KIF26B: variants seen among roughly 807,000 people sequenced by gnomAD.
KIF26B encodes kinesin-like protein KIF26B.
KIF26B carries 63 observed loss-of-function variants against 151.2 expected under a neutral mutation model. The ratio of observed to expected loss-of-function variants is 0.42; its 90% CI spans 0.34 to 0.51. The LOEUF is 0.51. KIF26B is among the 20% of genes least tolerant of loss of function. The pLI is 0.07. For synonymous variants in KIF26B, 1,357 were observed against 1,262.1 expected (o/e 1.08, Z -1.59); for missense variants, 2,813 against 2,913.6 (o/e 0.97, Z 0.79).
intron 4 of KIF26B, among the ~76,000 whole-genome samples, chr1:245,532,248 CTT>C (rs74163062): frequency 4.9e-5 from 6 of 121,448 alleles, no homozygotes; most frequent in Non-Finnish European, 4.9e-5. Context: ...CTTTTCTTTT[CTT>C]TTTTTTTTTT....
chr1:245,612,097 TG>T (rs2043532274), intron 9 of KIF26B, 121 bp downstream of exon 9: 1 of 648,350 alleles, frequency 1.5e-6, no homozygotes, highest in Non-Finnish European at 2.4e-6. Context: ...TGTGTGTGTG[TG>T]TGTGTGTGAG....
intron 9 of KIF26B, among the ~76,000 whole-genome samples, chr1:245,631,098 A>G (rs1156624721): frequency 6.6e-6 from 1 of 152,088 alleles, no homozygotes; most frequent in Non-Finnish European, 1.5e-5. Context: ...TCGCTTTTCC[A>G]GTTTGGATGC....
intron 4 of KIF26B, among the ~76,000 whole-genome samples, chr1:245,426,356 C>T (rs940631804): frequency 2.0e-5 from 3 of 151,716 alleles, no homozygotes; most frequent in Admixed American, 1.3e-4. Context: ...CATACAGCGT[C>T]ACTCTCATTC....
At chr1:245,353,487 A>T (rs1482807184) in intron 2 of KIF26B, among the ~76,000 whole-genome samples, 2 of 152,170 alleles carry the variant, frequency 1.3e-5, no homozygotes, top group East Asian at 3.9e-4. Context: ...GGATCGTGGC[A>T]CATCCTTGTG....
chr1:245,371,395 C>G lies in KIF26B; in HGVS notation c.999+4028C>G, dbSNP rs905834494. The stretch of plus-strand genomic sequence containing the variant: ...AGCTGACCTCATTTTTCCTGCTTAC[C>G]CATACTCCCACTTCCCTCCCCACAG... On this transcript the variant is annotated intron_variant, in intron 3 of 14. Coordinates refer to ENST00000407071, the MANE Select transcript of KIF26B (RefSeq NM_018012.4). 3 of 152,312 alleles carry G rather than the reference C, an allele frequency of 2.0e-5. No individual in the cohort carries two copies. In the East Asian group the frequency reaches 5.8e-4, roughly 29 times the overall value. The allele number at this position is 152,312 out of a possible 1,614,324, so 9.4% of individuals were successfully genotyped here. A position where few individuals can be genotyped will look rare whatever the true frequency, so the allele number is the denominator to read the frequency against.
intron 10 of KIF26B, among the ~76,000 whole-genome samples, chr1:245,675,068 G>C (rs1336661003): frequency 1.3e-5 from 2 of 152,188 alleles, no homozygotes; most frequent in Admixed American, 6.5e-5. Flanking sequence ...TATTATGTTG[G>C]AAAGGAGACA....
chr1:245,525,512 A>C (rs1476497776), intron 4 of KIF26B, among the ~76,000 whole-genome samples: 2 of 152,258 alleles, frequency 1.3e-5, no homozygotes, highest in African/African-American at 4.8e-5. Flanking sequence ...TTTAATAGAA[A>C]TCAATGTGAA....
intron 2 of KIF26B, among the ~76,000 whole-genome samples, chr1:245,158,865 TG>T (rs751033540): frequency 1.7e-5 from 1 of 58,252 alleles, no homozygotes; most frequent in Non-Finnish European, 3.9e-5. Flanking sequence ...TGTGTGTGTG[TG>T]TGTGGTGTGT....
chr1:245,212,559 G>T (rs1669560704), intron 2 of KIF26B, among the ~76,000 whole-genome samples: 2 of 152,214 alleles, frequency 1.3e-5, no homozygotes, highest in Admixed American at 1.3e-4. Flanking sequence ...CAATCCTACG[G>T]GTGAATGAGG....
At chr1:245,447,071 G>T (rs1361765864) in intron 4 of KIF26B, among the ~76,000 whole-genome samples, 2 of 152,204 alleles carry the variant, frequency 1.3e-5, no homozygotes, top group Non-Finnish European at 2.9e-5. Flanking sequence ...GCCTACAGAT[G>T]CAGCTCTTGG....
intron 4 of KIF26B, among the ~76,000 whole-genome samples, chr1:245,476,069 C>T (rs897112045): frequency 1.3e-5 from 2 of 151,820 alleles, no homozygotes; most frequent in Non-Finnish European, 2.9e-5. Flanking sequence ...GAAAGTTATT[C>T]GCCACAAAAA....
intron 2 of KIF26B, among the ~76,000 whole-genome samples, chr1:245,243,614 T>C (rs1670253312): frequency 6.6e-6 from 1 of 152,156 alleles, no homozygotes. Flanking sequence ...AAGCCAAATT[T>C]ACCCCCATTC....
At position 245,405,168 on chromosome 1, in the gene KIF26B, C is replaced by T. The variant is rs542910669; in HGVS notation, c.1000-14411C>T. On this transcript the variant is annotated intron_variant, in intron 3 of 14. Transcript: ENST00000407071. ...AATTAGGATTAATGAAACAGAGTTT[C>T]CCGGGAAGCAACTGTGACAAGCTGT... Among the ~76,000 whole-genome samples, 25 of 152,238 alleles carry T rather than the reference C, an allele frequency of 1.6e-4. No homozygotes were observed. The South Asian group carries it at 5.2e-3, about 32-fold the overall frequency.
At chr1:245,538,279 C>T (rs1366581309) in intron 4 of KIF26B, among the ~76,000 whole-genome samples, 1 of 152,192 alleles carries the variant, frequency 6.6e-6, no homozygotes, top group East Asian at 1.9e-4. Flanking sequence ...ACAGACAACA[C>T]TTTCCCTGAG....
chr1:245,565,718 A>C (rs1007261247), intron 5 of KIF26B, among the ~76,000 whole-genome samples: 1 of 152,250 alleles, frequency 6.6e-6, no homozygotes, highest in Non-Finnish European at 1.5e-5. Context: ...CATGGGACAA[A>C]GGAGATAATT....
chr1:245,268,196 G>A lies in KIF26B; in HGVS notation c.466-98638G>A, dbSNP rs192075492. Among the ~76,000 whole-genome samples the A allele has an allele frequency of 1.7e-3, 265 of 152,068 alleles. 2 individuals are homozygous for A. The highest frequency in any genetic ancestry group is 6.1e-3 in the African/African-American group (255 of 41,468). The stretch of plus-strand genomic sequence containing the variant: ...GTAAAGAAATAATAACAGGCCTGGC[G>A]CGGTGGCTCATGCCTGTAATCCCAG... On this transcript the variant is annotated intron_variant, in intron 2 of 14. Transcript: ENST00000407071.
At chr1:245,477,265 T>G (rs10737772) in intron 4 of KIF26B, among the ~76,000 whole-genome samples, 97,907 of 151,626 alleles carry the variant, frequency 0.65, 32,430 homozygotes, top group East Asian at 0.71. Context: ...TTTTTGAAGC[T>G]CAAGACAGAA....
intron 2 of KIF26B, among the ~76,000 whole-genome samples, chr1:245,342,075 C>G (rs1672344927): frequency 6.6e-6 from 1 of 152,182 alleles, no homozygotes; most frequent in Admixed American, 6.5e-5. Flanking sequence ...GGAAACCATA[C>G]CAGGTGACTA....
In KIF26B at chr1:245,417,636, G is replaced by A. The variant is rs185805246; in HGVS notation, c.1000-1943G>A. Among the ~76,000 whole-genome samples the A allele has an allele frequency of 5.9e-4, 90 of 152,330 alleles. 1 individual carries two copies. The highest frequency in any genetic ancestry group is 1.6e-3 in the African/African-American group (67 of 41,574). On this transcript the variant is annotated intron_variant, in intron 3 of 14. Coordinates refer to ENST00000407071, the MANE Select transcript of KIF26B (RefSeq NM_018012.4). Reference sequence around the variant, plus strand: ...CTTGCTTGGCACAAGATAGCCAATAGCTTTCTAGTCAGGAAGCTCGTGCAT... The same window carrying A: ...CTTGCTTGGCACAAGATAGCCAATAACTTTCTAGTCAGGAAGCTCGTGCAT...
Sources: gnomAD v4.1 joint callset for allele counts (sites outside exome capture counted in the v4.1 genomes callset) on GRCh38, gnomAD v4.1.1 for gene constraint, MANE v1.5 for transcripts, NCBI Gene and HGNC (gene_info 2026-07-23, HGNC 2026-07-21) for gene names.